Variants in SLC4A10 observed in about 807,000 individuals in gnomAD.
SLC4A10 encodes sodium-driven chloride bicarbonate exchanger.
In SLC4A10, 42 loss-of-function variants were observed where a neutral mutation model predicts 137.7. That is an observed-to-expected ratio of 0.30 (90% CI 0.24 to 0.39). SLC4A10 has a LOEUF of 0.39. Ranked by LOEUF, SLC4A10 falls within the 10% of genes least tolerant of loss-of-function variation. The pLI is 1.00. For synonymous variants in SLC4A10, 474 were observed against 464.1 expected, an observed-to-expected ratio of 1.02 and a Z score of -0.27; for missense variants, 925 against 1,355.0, an observed-to-expected ratio of 0.68 and a Z score of 4.98.
chr2:161,864,729 C>A (rs1432427861), intron 6 of SLC4A10, among the ~76,000 whole-genome samples: 2 of 152,054 alleles, frequency 1.3e-5, no homozygotes, highest in African/African-American at 4.8e-5. Flanking sequence ...TGAATCAAAT[C>A]ATATATTTAA....
chr2:161,968,233 C>T (rs1407932735), intron 23 of SLC4A10, among the ~76,000 whole-genome samples: 2 of 152,288 alleles, frequency 1.3e-5, no homozygotes, highest in East Asian at 3.8e-4. Context: ...GCCATTCCCA[C>T]TGCCCAGAAC....
intron 2 of SLC4A10, among the ~76,000 whole-genome samples, chr2:161,794,870 C>A (rs1002239612): frequency 6.6e-6 from 1 of 151,986 alleles, no homozygotes; most frequent in African/African-American, 2.4e-5. Flanking sequence ...GTAACTGGCA[C>A]TGGTGAGCTG....
intron 1 of SLC4A10, among the ~76,000 whole-genome samples, chr2:161,746,395 A>T (rs1046774564): frequency 6.6e-6 from 1 of 151,816 alleles, no homozygotes; most frequent in African/African-American, 2.4e-5. Flanking sequence ...TGACTACTGC[A>T]CGACTACTGC....
intron 1 of SLC4A10, among the ~76,000 whole-genome samples, chr2:161,767,945 G>T (rs899533732): frequency 4.6e-5 from 7 of 151,810 alleles, no homozygotes; most frequent in Non-Finnish European, 8.8e-5. Context: ...TCAGAAAAAA[G>T]GTGTCCCTAT....
chr2:161,724,950 A>G (rs2046063048), intron 1 of SLC4A10, among the ~76,000 whole-genome samples: 2 of 152,016 alleles, frequency 1.3e-5, no homozygotes, highest in Admixed American at 1.3e-4. Flanking sequence ...TTAACTGTGA[A>G]CTGTTTAAGG....
chr2:161,843,917 G>T (rs949737562), intron 4 of SLC4A10, among the ~76,000 whole-genome samples: 3 of 152,066 alleles, frequency 2.0e-5, no homozygotes, highest in Non-Finnish European at 4.4e-5. Context: ...AGGTTTTGAA[G>T]CTAAATTTTT....
At chr2:161,831,556 AT>A (rs1411602441) in intron 3 of SLC4A10, among the ~76,000 whole-genome samples, 1 of 151,990 alleles carries the variant, frequency 6.6e-6, no homozygotes, top group Non-Finnish European at 1.5e-5. Flanking sequence ...AGGTAAATGA[AT>A]TTTTTTCTGG....
At chr2:161,699,773 G>A (rs1156468013) in intron 1 of SLC4A10, among the ~76,000 whole-genome samples, 1 of 152,158 alleles carries the variant, frequency 6.6e-6, no homozygotes, top group East Asian at 1.9e-4. Flanking sequence ...AACTTTGATG[G>A]ATAGATAAGA....
chr2:161,964,989 C>G, intron 22 of SLC4A10, 62 bp from the exon 23 acceptor site: 1 of 1,500,072 alleles, frequency 6.7e-7, no homozygotes, highest in African/African-American at 1.4e-5. Context: ...ACCATACAGG[C>G]AAATCTACAC....
At chr2:161,952,861 A>G (rs542700745) in intron 19 of SLC4A10, among the ~76,000 whole-genome samples, 3 of 152,166 alleles carry the variant, frequency 2.0e-5, no homozygotes, top group Non-Finnish European at 4.4e-5. Flanking sequence ...ACCTTCTCAG[A>G]ATGTTATTTA....
At chr2:161,852,037 T>C (rs928844952) in intron 4 of SLC4A10, among the ~76,000 whole-genome samples, 1 of 152,064 alleles carries the variant, frequency 6.6e-6, no homozygotes, top group Non-Finnish European at 1.5e-5. Flanking sequence ...CTACAGGCAT[T>C]CACCTCTACA....
intron 15 of SLC4A10, among the ~76,000 whole-genome samples, chr2:161,941,907 G>T (rs1408198262): frequency 1.3e-5 from 2 of 152,094 alleles, no homozygotes; most frequent in African/African-American, 2.4e-5. Context: ...AATTTCCCTA[G>T]TGAGAGCAAG....
intron 23 of SLC4A10, 76 bp downstream of exon 23, chr2:161,965,249 G>T: frequency 1.4e-6 from 2 of 1,447,968 alleles, no homozygotes; most frequent in South Asian, 1.3e-5. Context: ...CTAAATTATT[G>T]TTTTTATCTT....
intron 4 of SLC4A10, among the ~76,000 whole-genome samples, chr2:161,844,162 T>C (rs1468105981): frequency 6.6e-6 from 1 of 152,000 alleles, no homozygotes; most frequent in African/African-American, 2.4e-5. Context: ...ACTAATGAAC[T>C]CAGAAGAGGC....
chr2:161,737,319 A>G (rs928264864), intron 1 of SLC4A10, among the ~76,000 whole-genome samples: 1 of 152,176 alleles, frequency 6.6e-6, no homozygotes, highest in East Asian at 1.9e-4. Flanking sequence ...TTTGGAACCC[A>G]TCAGGGAATA....
At chr2:161,804,034 C>A (rs909013027) in intron 2 of SLC4A10, among the ~76,000 whole-genome samples, 1 of 151,930 alleles carries the variant, frequency 6.6e-6, no homozygotes, top group Non-Finnish European at 1.5e-5. Flanking sequence ...TAGACCTTAG[C>A]GAAACCTGTT....
chr2:161,962,756 A>G (rs1306746149), intron 21 of SLC4A10, among the ~76,000 whole-genome samples: 1 of 152,166 alleles, frequency 6.6e-6, no homozygotes, highest in Admixed American at 6.6e-5. Context: ...TCATGCCATA[A>G]GACATAGAAC....
chr2:161,784,579 A>G (rs2053412012), intron 2 of SLC4A10, among the ~76,000 whole-genome samples: 1 of 151,932 alleles, frequency 6.6e-6, no homozygotes, highest in Non-Finnish European at 1.5e-5. Context: ...GTGAAAGTAG[A>G]AATCAATAGC....
chr2:161,630,198 T>G (rs776833157), intron 1 of SLC4A10, among the ~76,000 whole-genome samples: 6 of 151,838 alleles, frequency 4.0e-5, no homozygotes, highest in African/African-American at 7.2e-5. Flanking sequence ...GCATTTGGTG[T>G]TGTCAGTTTT....
Sources: allele counts gnomAD v4.1 joint callset (sites outside exome capture counted in the v4.1 genomes callset), GRCh38; gene constraint gnomAD v4.1.1; transcripts MANE v1.5; gene names NCBI Gene and HGNC (gene_info 2026-07-23, HGNC 2026-07-21).